Variants in POM121C observed in about 807,000 individuals in gnomAD.
POM121C encodes POM121 transmembrane nucleoporin C, also known as nuclear envelope pore membrane protein POM 121C.
In POM121C, 20 loss-of-function variants were observed where a neutral mutation model predicts 66.4. That is an observed-to-expected ratio of 0.30 (90% CI 0.21 to 0.44). The LOEUF is 0.44. Among genes scored for constraint, POM121C ranks in the 20% least tolerant of loss-of-function variants. The pLI, the probability that POM121C is intolerant of heterozygous loss-of-function variation, is 1.00. For synonymous variants in POM121C, 286 were observed against 528.0 expected (o/e 0.54, Z 6.28); for missense variants, 580 against 1,225.7 (o/e 0.47, Z 7.87).
chr7:75,452,095 A>C (rs2443478), intron 3 of POM121C, among the ~76,000 whole-genome samples: 8 of 152,148 alleles, frequency 5.3e-5, no homozygotes, highest in East Asian at 1.9e-4. Context: ...ACCCAGGAGG[A>C]GGAGGTTGTA....
chr7:75,471,722 T>G (rs1256372049), intron 3 of POM121C, among the ~76,000 whole-genome samples: 1 of 152,038 alleles, frequency 6.6e-6, no homozygotes, highest in African/African-American at 2.4e-5. Context: ...AAGCACGACC[T>G]GCCAGAGCGC....
At position 75,423,983 on chromosome 7, in the gene POM121C, C is replaced by A; in HGVS notation, c.1048+66G>T. The A allele has an allele frequency of 1.9e-6, 3 of 1,562,286 alleles. No homozygotes were observed. In the Admixed American group the frequency reaches 5.3e-5, roughly 28 times the overall value. ...CTCCAGCGACTGACAGGCACGACGCCCTTATTCCAACCCAAGCCGGGGATG... is the reference window on the plus strand; with the variant it reads ...CTCCAGCGACTGACAGGCACGACGCACTTATTCCAACCCAAGCCGGGGATG... On this transcript the variant is annotated intron_variant, in intron 12 of 14. Transcript: ENST00000615331.
At chr7:75,431,236 A>G (rs1296558572) in intron 7 of POM121C, among the ~76,000 whole-genome samples, 2 of 152,208 alleles carry the variant, frequency 1.3e-5, no homozygotes, top group African/African-American at 4.8e-5. Flanking sequence ...CAGAATGGCT[A>G]AAGAGACTGG....
At chr7:75,446,978 A>G (rs1158960541) in intron 3 of POM121C, among the ~76,000 whole-genome samples, 1 of 117,200 alleles carries the variant, frequency 8.5e-6, no homozygotes, top group Non-Finnish European at 1.6e-5. Context: ...ACTGCACTCC[A>G]GCCTGGGCAA....
intron 3 of POM121C, among the ~76,000 whole-genome samples, chr7:75,473,028 C>A (rs1270530462): frequency 2.0e-5 from 3 of 152,122 alleles, no homozygotes; most frequent in African/African-American, 7.2e-5. Flanking sequence ...AGGCATTTCA[C>A]AGAAGACAAA....
intron 3 of POM121C, among the ~76,000 whole-genome samples, chr7:75,454,798 C>T (rs1384981719): frequency 2.6e-5 from 4 of 152,244 alleles, no homozygotes; most frequent in South Asian, 2.1e-4. Context: ...CGGCATGTCC[C>T]GACGCAGTGG....
chr7:75,463,095 G>A (rs1384233488), intron 3 of POM121C, among the ~76,000 whole-genome samples: 1 of 152,142 alleles, frequency 6.6e-6, no homozygotes, highest in African/African-American at 2.4e-5. Flanking sequence ...GGCTGAGGCG[G>A]GTAGATCACT....
intron 3 of POM121C, among the ~76,000 whole-genome samples, chr7:75,468,113 CAG>C (rs1180472151): frequency 9.4e-6 from 1 of 106,406 alleles, no homozygotes; most frequent in Non-Finnish European, 1.8e-5. Flanking sequence ...ACCTGGGCAA[CAG>C]AGACTCTGTC....
At chr7:75,419,273 C>T in intron 14 of POM121C, 47 bp downstream of exon 14, 1 of 1,568,946 alleles carries the variant, frequency 6.4e-7, no homozygotes. Context: ...CCCACCCAAC[C>T]TCTCCTCAGA....
At chr7:75,460,314 G>A (rs1331329559) in intron 3 of POM121C, among the ~76,000 whole-genome samples, 2 of 149,352 alleles carry the variant, frequency 1.3e-5, no homozygotes, top group South Asian at 2.1e-4. Flanking sequence ...GCATGATAGC[G>A]AGACCCCATC....
chr7:75,423,884 G>A (rs1554471303), intron 12 of POM121C, among the ~76,000 whole-genome samples, 165 bp downstream of exon 12: 1 of 152,242 alleles, frequency 6.6e-6, no homozygotes, highest in African/African-American at 2.4e-5. Flanking sequence ...ACTTCCTGAT[G>A]TGGGCTCCGG....
chr7:75,481,981 C>T (rs1307588276), intron 1 of POM121C, among the ~76,000 whole-genome samples: 2 of 151,896 alleles, frequency 1.3e-5, no homozygotes, highest in African/African-American at 2.4e-5. Flanking sequence ...GAAGGTAACA[C>T]GTGCCTCCAG....
rs782308199 is a variant in POM121C at position 75,422,037 on chromosome 7, C to T, written c.2215G>A (p.Ala739Thr). Residue 739 changes from alanine to threonine, a missense_variant, in exon 13 of 15, where the codon GCC (alanine) becomes ACC (threonine). Ala to Thr is a moderately conservative substitution (Grantham distance 58, BLOSUM62 0). Coordinates refer to ENST00000615331, the MANE Select transcript of POM121C (RefSeq NM_001099415.3). ...GCAGGTGTGGGTGCAGTAGCCGGGGCCGGGGCTGCAGAGTTTCCAAAAGTG... is the reference window on the plus strand; with the variant it reads ...GCAGGTGTGGGTGCAGTAGCCGGGGTCGGGGCTGCAGAGTTTCCAAAAGTG... The part of the protein sequence containing the change: ...SFTFGNSAAP[A>T]PATAPTPAPA... The T allele has an allele frequency of 3.1e-6, 5 of 1,613,174 alleles. No individual in the cohort carries two copies. The highest frequency in any genetic ancestry group is 1.7e-5 in the Admixed American group (1 of 59,994).
At chr7:75,479,529 T>G (rs1328788925) in intron 1 of POM121C, among the ~76,000 whole-genome samples, 3 of 147,066 alleles carry the variant, frequency 2.0e-5, no homozygotes, top group Non-Finnish European at 4.4e-5. Context: ...GGCAGGAGAA[T>G]CACTTGAACC....
At chr7:75,441,757 T>G in intron 3 of POM121C, 110 bp from the exon 4 acceptor site, 1 of 1,082,562 alleles carries the variant, frequency 9.2e-7, no homozygotes, top group Non-Finnish European at 1.3e-6. Context: ...TTAAATCTCT[T>G]TCTACGCAAC....
chr7:75,473,634 A>G, intron 3 of POM121C, among the ~76,000 whole-genome samples: 1 of 152,172 alleles, frequency 6.6e-6, no homozygotes, highest in Admixed American at 6.5e-5. Flanking sequence ...AAAGAAATAA[A>G]TAAAATCGAG....
chr7:75,424,247 A>G (rs1416144611), intron 11 of POM121C, 22 bp from the exon 12 acceptor site: 2 of 1,610,884 alleles, frequency 1.2e-6, no homozygotes, highest in Non-Finnish European at 1.7e-6. Context: ...AGAAAGGTGA[A>G]GCAGTCCTGG....
intron 3 of POM121C, among the ~76,000 whole-genome samples, chr7:75,456,441 C>A (rs2116463894): frequency 6.6e-6 from 1 of 152,332 alleles, no homozygotes; most frequent in East Asian, 1.9e-4. Context: ...TTTCATCCTC[C>A]CAATAGTCCT....
Position 75,418,785 on chromosome 7 carries a change from G to A in POM121C, c.*11C>T, listed in dbSNP as rs1194578892. The A allele has an allele frequency of 1.3e-5, 20 of 1,595,890 alleles. No homozygotes were observed. The highest frequency in any genetic ancestry group is 1.5e-5 in the Non-Finnish European group (18 of 1,173,436). ...GGAAGGGGTGGGGGGAACAGGGACA[G>A]GGGACAAAGGCTACTTTTTGCGGGT... On this transcript the variant is annotated 3_prime_UTR_variant, in exon 15 of 15. Coordinates refer to ENST00000615331, the MANE Select transcript of POM121C (RefSeq NM_001099415.3).
Sources: gnomAD v4.1 joint callset for allele counts (sites outside exome capture counted in the v4.1 genomes callset) on GRCh38, gnomAD v4.1.1 for gene constraint, MANE v1.5 for transcripts, NCBI Gene and HGNC (gene_info 2026-07-23, HGNC 2026-07-21) for gene names.